The following BMI1 variants were observed in gnomAD, a reference collection of about 807,000 sequenced individuals.
The protein encoded by BMI1 is BMI1 proto-oncogene, polycomb ring finger.
BMI1 carries 9 observed loss-of-function variants against 39.1 expected under a neutral mutation model. The ratio of observed to expected loss-of-function variants is 0.23; its 90% CI spans 0.14 to 0.40. BMI1 has a LOEUF of 0.40. Ranked by LOEUF, BMI1 falls within the 10% of genes least tolerant of loss-of-function variation. The pLI is 1.00. For missense variants in BMI1, 252 were observed against 390.8 expected (o/e 0.64, Z 2.99); for synonymous variants, 131 against 127.9 (o/e 1.02, Z -0.16).
At chr10:22,327,899 A>G in intron 5 of BMI1, 51 bp from the exon 6 acceptor site, 3 of 1,581,184 alleles carry the variant, frequency 1.9e-6, no homozygotes, top group Non-Finnish European at 2.6e-6. Flanking sequence ...TATATATAAA[A>G]TTTATTAGGC....
rs2131997650 is a variant in BMI1, at chr10:22,321,683, G to C, written c.-33G>C. On this transcript the variant is annotated 5_prime_UTR_variant, in exon 1 of 10. Coordinates refer to ENST00000376663, the MANE Select transcript of BMI1 (RefSeq NM_005180.9). The stretch of plus-strand genomic sequence containing the variant: ...CGCCCGCTTCGATCGCCTCGCGCCG[G>C]CTGCTCTTTCCGGGTACGTAGGAGG... The C allele has an allele frequency of 6.6e-6, 1 of 151,792 alleles. No homozygotes were observed. Among genetic ancestry groups the C allele is most frequent in the East Asian group, 1.9e-4 (1 of 5,132 alleles). 9.4% of individuals were successfully genotyped at this position (151,792 alleles called of 1,614,324 possible).
In BMI1 at chr10:22,328,009, A is replaced by G. The variant is rs764472509; in HGVS notation, c.376A>G (p.Thr126Ala). 6.2e-7 allele frequency: 1 copy of G among 1,611,336 alleles called. No individual in the cohort carries two copies. ...TGCAGATGAAGATAAGAGAATTATA[A>G]CTGATGATGAGATAATAAGCTTATC... is the stretch of plus-strand genomic sequence containing the variant. ...EVADEDKRII[T>A]DDEIISLSIE... The change falls in exon 6 of 10, where the codon ACT becomes GCT. Residue 126 changes from threonine to alanine, a missense_variant. Thr to Ala is a moderately conservative substitution (Grantham distance 58). This residue lies in a region of BMI1 where 67 missense variants were observed against 69.9 expected (regional missense o/e 0.96). Transcript: ENST00000376663.
chr10:22,327,081 T>C, intron 3 of BMI1, 95 bp downstream of exon 3: 2 of 1,382,218 alleles, frequency 1.4e-6, no homozygotes, highest in Non-Finnish European at 1.0e-6. Context: ...GAAAATTTAC[T>C]CTTGAATACA....
At chr10:22,325,548 G>C (rs1282176177) in intron 1 of BMI1, 1 of 149,118 alleles carries the variant, frequency 6.7e-6, no homozygotes, top group East Asian at 2.0e-4. Flanking sequence ...GGCCTCGTGG[G>C]GCTGCCCCGC....
chr10:22,327,787 C>T lies in BMI1; in HGVS notation c.311C>T (p.Ala104Val). 1 of 1,613,294 alleles carries T rather than the reference C, an allele frequency of 6.2e-7. No individual in the cohort carries two copies. The highest frequency in any genetic ancestry group is 8.5e-7 in the Non-Finnish European group (1 of 1,179,580). Residue 104 changes from alanine (A) to valine (V), a missense_variant, in exon 5 of 10, where the codon GCT becomes GTT. By Grantham distance (64) the Ala-to-Val change is moderately conservative. Around this residue, in one of 4 missense-constraint regions of BMI1, gnomAD observed 67 missense variants for 69.9 expected, o/e 0.96. Transcript: ENST00000376663. Reference protein sequence around the residue: ...RRDFYAAHPSADAANGSNEDR... With the variant: ...RRDFYAAHPSVDAANGSNEDR... ...GATTTTTATGCAGCTCATCCTTCTG[C>T]TGATGGTAAACCTTTTAGGGGAGGG... is the stretch of plus-strand genomic sequence containing the variant.
intron 7 of BMI1, 88 bp from the exon 8 acceptor site, chr10:22,328,512 A>G (rs1836210509): frequency 1.4e-6 from 2 of 1,388,034 alleles, no homozygotes; most frequent in East Asian, 2.4e-5. Context: ...GTTTGATACT[A>G]GTATCTTTTA....
intron 2 of BMI1, 138 bp from the exon 3 acceptor site, chr10:22,326,752 G>A (rs1333252989): frequency 2.3e-6 from 3 of 1,312,354 alleles, no homozygotes; most frequent in East Asian, 2.3e-5. Context: ...CAATATATGT[G>A]TTCTCAGGAT....
intron 1 of BMI1, 138 bp from the exon 2 acceptor site, chr10:22,326,293 C>T (rs934951705): frequency 1.7e-5 from 21 of 1,203,456 alleles, no homozygotes; most frequent in Non-Finnish European, 2.3e-5. Flanking sequence ...GAGTAAATTC[C>T]TTCTGTAGAA....
chr10:22,330,106 CA>C lies in BMI1; in HGVS notation c.*567del, dbSNP rs767735271. The stretch of plus-strand genomic sequence containing the variant: ...TTCTCTGTTGCTACGCAAAACCGAT[CA>C]AAGAAAAGTGAACTTCAGTTTTACA... On this transcript the variant is annotated 3_prime_UTR_variant, in exon 10 of 10. Transcript: ENST00000376663. 66 of 152,936 alleles carry C rather than the reference CA, an allele frequency of 4.3e-4. No homozygotes were observed. The highest frequency in any genetic ancestry group is 7.5e-4 in the Non-Finnish European group (51 of 68,314). 9.5% of individuals were successfully genotyped at this position (152,936 alleles called of 1,614,324 possible).
intron 1 of BMI1, among the ~76,000 whole-genome samples, chr10:22,323,172 G>T (rs1482758806): frequency 6.6e-6 from 1 of 152,172 alleles, no homozygotes; most frequent in East Asian, 1.9e-4. Flanking sequence ...GCAAATTATT[G>T]ACAGTATATA....
intron 1 of BMI1, among the ~76,000 whole-genome samples, chr10:22,325,408 G>T (rs1158551438): frequency 1.3e-5 from 2 of 152,178 alleles, no homozygotes; most frequent in African/African-American, 4.8e-5. Flanking sequence ...GAGGCCCCCG[G>T]AGTGTCCGAA....
Position 22,330,083 on chromosome 10 carries a change from C to G in BMI1, c.*541C>G, listed in dbSNP as rs1367477212. 1 of 153,266 alleles carries G rather than the reference C, an allele frequency of 6.5e-6. No individual in the cohort carries two copies. 9.5% of individuals were successfully genotyped at this position (153,266 alleles called of 1,614,324 possible). A position where few individuals can be genotyped will look rare whatever the true frequency, so the allele number is the denominator to read the frequency against. ...TTTGATTCCTGTTTGATTTATACTT[C>G]TCTGTTGCTACGCAAAACCGATCAA... On this transcript the variant is annotated 3_prime_UTR_variant, in exon 10 of 10. Coordinates refer to ENST00000376663, the MANE Select transcript of BMI1 (RefSeq NM_005180.9).
At chr10:22,322,003 A>AGCC (rs1481254488) in intron 1 of BMI1, 3 of 145,332 alleles carry the variant, frequency 2.1e-5, no homozygotes, top group Non-Finnish European at 4.6e-5. Flanking sequence ...GCGCCGCTCC[A>AGCC]GCCGCCGCCG....
intron 1 of BMI1, among the ~76,000 whole-genome samples, chr10:22,325,409 A>C (rs2132002701): frequency 6.6e-6 from 1 of 152,174 alleles, no homozygotes; most frequent in Admixed American, 6.5e-5. Context: ...AGGCCCCCGG[A>C]GTGTCCGAAA....
chr10:22,321,892 T>G (rs1276387883), intron 1 of BMI1, among the ~76,000 whole-genome samples, 196 bp downstream of exon 1: 1 of 139,406 alleles, frequency 7.2e-6, no homozygotes, highest in Non-Finnish European at 1.6e-5. Flanking sequence ...CGCGCCGCCC[T>G]CCCCGCGCCC....
rs777102106 is a variant in BMI1, at chr10:22,326,433, T to G, written c.-17T>G. The G allele has an allele frequency of 3.7e-6, 6 of 1,611,956 alleles. No homozygotes were observed. The East Asian group carries it at 1.1e-4, about 30-fold the overall frequency. On this transcript the variant is annotated splice_region_variant and 5_prime_UTR_variant, in exon 2 of 10. Transcript: ENST00000376663. ...GCCATTATTTCTGTGTCTTGCAGGATTTTTTATCAAGCAGAAATGCATCGA... is the reference window on the plus strand; with the variant it reads ...GCCATTATTTCTGTGTCTTGCAGGAGTTTTTATCAAGCAGAAATGCATCGA...
rs960510117 is a variant in BMI1, at chr10:22,329,207, T to A, written c.652-6T>A. ...AAGAGTAATTTTTTTCCTTTTAACTTTGTAGAATGGTCCACTTCCATTGAA... is the reference window on the plus strand; with the variant it reads ...AAGAGTAATTTTTTTCCTTTTAACTATGTAGAATGGTCCACTTCCATTGAA... On this transcript the variant is annotated splice_polypyrimidine_tract_variant and splice_region_variant and intron_variant, in intron 9 of 9. Transcript: ENST00000376663. 1 of 1,612,820 alleles carries A rather than the reference T, an allele frequency of 6.2e-7. No homozygotes were observed.
In BMI1 at chr10:22,331,276, T is replaced by C. The variant is rs1836276406; in HGVS notation, c.*1734T>C. 6.6e-6 allele frequency: 1 copy of C among 152,396 alleles called. No homozygotes were observed. Among genetic ancestry groups the C allele is most frequent in the African/African-American group, 2.4e-5 (1 of 41,576 alleles). The allele number at this position is 152,396 out of a possible 1,614,324, so 9.4% of individuals were successfully genotyped here. A position where few individuals can be genotyped will look rare whatever the true frequency, so the allele number is the denominator to read the frequency against. On this transcript the variant is annotated 3_prime_UTR_variant, in exon 10 of 10. Coordinates refer to ENST00000376663, the MANE Select transcript of BMI1 (RefSeq NM_005180.9). The stretch of plus-strand genomic sequence containing the variant: ...TTTAGAAAATAGCTAAGATCTTTAA[T>C]AAAAATTTGATATGAAAAGCACAAT...
At chr10:22,325,584 C>T (rs1265923092) in intron 1 of BMI1, 1 of 145,446 alleles carries the variant, frequency 6.9e-6, no homozygotes, top group East Asian at 2.0e-4. Context: ...GCACCCACCC[C>T]GCCCCCGCGC....
Sources: gnomAD v4.1 joint callset for allele counts (sites outside exome capture counted in the v4.1 genomes callset) on GRCh38, gnomAD v4.1.1 for gene constraint, gnomAD v4.1.1 regional missense constraint, MANE v1.5 for transcripts, NCBI Gene and HGNC (gene_info 2026-07-23, HGNC 2026-07-21) for gene names.